Variants in SGCZ observed in about 807,000 individuals in gnomAD.
SGCZ encodes the protein zeta-sarcoglycan.
A neutral mutation model predicts 41.3 loss-of-function variants in SGCZ; 40 were observed. That is an observed-to-expected ratio of 0.97 (90% confidence interval 0.75 to 1.26). The LOEUF is 1.26. Among genes scored for constraint, SGCZ ranks in the 50% most tolerant of loss-of-function variants. The pLI is 0.00. For missense variants in SGCZ, 552 were observed against 369.8 expected (o/e 1.49, Z -4.04); for synonymous variants, 206 against 137.5 (o/e 1.50, Z -3.49).
chr8:14,883,777 T>G (rs1804682440), intron 1 of SGCZ, among the ~76,000 whole-genome samples: 1 of 70,824 alleles, frequency 1.4e-5, no homozygotes, highest in Non-Finnish European at 2.9e-5. Flanking sequence ...CATCCTGTTG[T>G]TTTTTTTTTT....
chr8:14,406,440 A>G (rs888297465), intron 2 of SGCZ, among the ~76,000 whole-genome samples: 3 of 152,188 alleles, frequency 2.0e-5, no homozygotes, highest in Admixed American at 1.3e-4. Flanking sequence ...GAGAAGGGGA[A>G]TATCATTTCT....
intron 2 of SGCZ, among the ~76,000 whole-genome samples, chr8:14,492,733 A>G (rs887518310): frequency 6.6e-6 from 1 of 152,140 alleles, no homozygotes; most frequent in Non-Finnish European, 1.5e-5. Context: ...GTGAATTTGG[A>G]AAAGTTCCAT....
At chr8:14,422,022 T>C (rs776442580) in intron 2 of SGCZ, among the ~76,000 whole-genome samples, 6 of 152,110 alleles carry the variant, frequency 3.9e-5, no homozygotes, top group Non-Finnish European at 8.8e-5. Flanking sequence ...AATATGCAAC[T>C]TATATGGGTT....
At chr8:14,275,067 T>C (rs1184502032) in intron 3 of SGCZ, among the ~76,000 whole-genome samples, 2 of 152,176 alleles carry the variant, frequency 1.3e-5, no homozygotes, top group African/African-American at 2.4e-5. Flanking sequence ...AGTTGAATCT[T>C]TAATGTACAT....
In SGCZ at chr8:14,697,214, A is replaced by G. The variant is rs149151754; in HGVS notation, c.40-142288T>C. On this transcript the variant is annotated intron_variant, in intron 1 of 7. Coordinates refer to ENST00000382080, the MANE Select transcript of SGCZ (RefSeq NM_139167.4). ...GGCCAGGTCACTATAGAATTTGGAG[A>G]AAGTGGCCTAGAGTCACAATGCTTG... Among the ~76,000 whole-genome samples the G allele has an allele frequency of 2.1e-3, 321 of 152,122 alleles. 4 individuals are homozygous for G. Among genetic ancestry groups the G allele is most frequent in the Middle Eastern group, 0.02 (6 of 294 alleles).
chr8:15,200,625 A>ATATCACCTTAGATCCTTTC (rs1800861213), intron 1 of SGCZ, among the ~76,000 whole-genome samples: 1 of 152,218 alleles, frequency 6.6e-6, no homozygotes, highest in Non-Finnish European at 1.5e-5. Context: ...ACATGGAGTC[A>ATATCACCTTAGATCCTTTC]TATCACCTTA....
intron 1 of SGCZ, among the ~76,000 whole-genome samples, chr8:15,182,201 T>C (rs1412857687): frequency 1.3e-5 from 2 of 152,188 alleles, no homozygotes; most frequent in Non-Finnish European, 2.9e-5. Flanking sequence ...ATGCCAATAA[T>C]ATCCTTAATT....
chr8:14,128,177 C>T (rs1046317434), intron 5 of SGCZ, among the ~76,000 whole-genome samples: 1 of 152,124 alleles, frequency 6.6e-6, no homozygotes, highest in Admixed American at 6.5e-5. Context: ...GACAGTGCTT[C>T]GATTCTACCA....
intron 1 of SGCZ, among the ~76,000 whole-genome samples, chr8:15,162,115 T>G (rs1207227577): frequency 6.6e-6 from 1 of 152,242 alleles, no homozygotes; most frequent in African/African-American, 2.4e-5. Context: ...GAACAAAGTT[T>G]GTATTGGATG....
intron 7 of SGCZ, 40 bp downstream of exon 7, chr8:14,102,336 T>G: frequency 1.5e-6 from 2 of 1,365,606 alleles, no homozygotes; most frequent in Non-Finnish European, 1.9e-6. Flanking sequence ...GTTTTCAAAG[T>G]GGGCAGTATA....
At chr8:14,614,308 T>A (rs1806023494) in intron 1 of SGCZ, among the ~76,000 whole-genome samples, 1 of 152,124 alleles carries the variant, frequency 6.6e-6, no homozygotes, top group South Asian at 2.1e-4. Flanking sequence ...AACATATTTT[T>A]CCATATAATT....
chr8:14,496,845 C>T (rs148676980), intron 2 of SGCZ, among the ~76,000 whole-genome samples: 2 of 152,238 alleles, frequency 1.3e-5, no homozygotes, highest in Non-Finnish European at 2.9e-5. Flanking sequence ...AGAGTGTATA[C>T]ATTTTTCTTA....
At chr8:14,313,999 T>A (rs1190326707) in intron 3 of SGCZ, among the ~76,000 whole-genome samples, 1 of 151,752 alleles carries the variant, frequency 6.6e-6, no homozygotes, top group African/African-American at 2.4e-5. Context: ...TCTTAAAGCA[T>A]TTGTTTATAA....
chr8:14,607,373 G>C lies in SGCZ; in HGVS notation c.40-52447C>G, dbSNP rs373238586. On this transcript the variant is annotated intron_variant, in intron 1 of 7. Coordinates refer to ENST00000382080, the MANE Select transcript of SGCZ (RefSeq NM_139167.4). ...ATCACTGCTTAAATATAACTTTTAT[G>C]AATCTCTTTTCTAAAGTGTCTGATG... Among the ~76,000 whole-genome samples the C allele has an allele frequency of 4.6e-5, 7 of 152,130 alleles. No homozygotes were observed. In the East Asian group the frequency reaches 1.2e-3, roughly 25 times the overall value.
At chr8:14,725,511 A>G (rs1810020149) in intron 1 of SGCZ, among the ~76,000 whole-genome samples, 1 of 152,190 alleles carries the variant, frequency 6.6e-6, no homozygotes, top group Non-Finnish European at 1.5e-5. Context: ...TTTTCATAAA[A>G]CGATTTTAAA....
At chr8:14,800,457 C>G (rs1474940366) in intron 1 of SGCZ, among the ~76,000 whole-genome samples, 7 of 152,246 alleles carry the variant, frequency 4.6e-5, no homozygotes, top group Non-Finnish European at 1.0e-4. Context: ...ATTTCATTAG[C>G]TACTTGATAT....
chr8:14,183,950 T>C (rs1469307323), intron 4 of SGCZ, among the ~76,000 whole-genome samples: 1 of 152,070 alleles, frequency 6.6e-6, no homozygotes, highest in Non-Finnish European at 1.5e-5. Context: ...CACAAAGAAA[T>C]ACTTATAGTT....
chr8:14,091,693 T>G (rs1223190524), intron 7 of SGCZ, among the ~76,000 whole-genome samples: 1 of 150,800 alleles, frequency 6.6e-6, no homozygotes, highest in South Asian at 2.1e-4. Context: ...TCCTGTAAAT[T>G]TGTTTGTTTA....
chr8:15,005,401 G>A (rs1017802150), intron 1 of SGCZ, among the ~76,000 whole-genome samples: 8 of 141,648 alleles, frequency 5.6e-5, no homozygotes, highest in Non-Finnish European at 1.1e-4. Context: ...GCGTGATCTC[G>A]GCTCATCACA....
Sources: allele counts gnomAD v4.1 joint callset (sites outside exome capture counted in the v4.1 genomes callset), GRCh38; gene constraint gnomAD v4.1.1; transcripts MANE v1.5; gene names NCBI Gene and HGNC (gene_info 2026-07-23, HGNC 2026-07-21).